The following LUZP2 variants were observed in gnomAD, a reference collection of about 807,000 sequenced individuals.
LUZP2 encodes leucine zipper protein 2.
A neutral mutation model predicts 51.6 loss-of-function variants in LUZP2; 52 were observed. That is an observed-to-expected ratio of 1.01 (90% CI 0.81 to 1.27). The LOEUF (loss-of-function observed/expected upper bound fraction) is 1.27. Among genes scored for constraint, LUZP2 ranks in the 50% most tolerant of loss-of-function variants. LUZP2 has a pLI of 0.00. For synonymous variants in LUZP2, 154 were observed against 137.3 expected (o/e 1.12, Z -0.85); for missense variants, 436 against 395.4 (o/e 1.10, Z -0.87).
intron 1 of LUZP2, among the ~76,000 whole-genome samples, chr11:24,641,337 CTGAA>C (rs1855275210): frequency 6.6e-6 from 1 of 151,788 alleles, no homozygotes; most frequent in South Asian, 2.1e-4. Context: ...TTTTAACAAT[CTGAA>C]TGACCTTAAT....
At chr11:24,526,192 A>AGGGAATCAT (rs1850795886) in intron 1 of LUZP2, among the ~76,000 whole-genome samples, 1 of 150,990 alleles carries the variant, frequency 6.6e-6, no homozygotes, top group Non-Finnish European at 1.5e-5. Flanking sequence ...GTGCTCCACT[A>AGGGAATCAT]TCTGCAGGGC....
chr11:24,912,906 AT>A (rs1853681684), intron 6 of LUZP2, among the ~76,000 whole-genome samples: 1 of 152,170 alleles, frequency 6.6e-6, no homozygotes. Flanking sequence ...AGCTTGGAAA[AT>A]TATATTTCTA....
intron 1 of LUZP2, among the ~76,000 whole-genome samples, chr11:24,580,493 C>T (rs926624480): frequency 3.9e-5 from 6 of 151,992 alleles, no homozygotes; most frequent in Non-Finnish European, 7.4e-5. Flanking sequence ...CCTAGCATAG[C>T]GTCAACCTAA....
chr11:24,917,309 T>G (rs1428973628), intron 7 of LUZP2, among the ~76,000 whole-genome samples: 1 of 152,138 alleles, frequency 6.6e-6, no homozygotes, highest in East Asian at 1.9e-4. Context: ...TGGTAGTTTA[T>G]TTTTGCTGTG....
chr11:25,060,755 A>G (rs2134038905), intron 10 of LUZP2, among the ~76,000 whole-genome samples: 1 of 152,254 alleles, frequency 6.6e-6, no homozygotes, highest in African/African-American at 2.4e-5. Flanking sequence ...ATATAACAAC[A>G]TATTAGTGGA....
At position 24,611,677 on chromosome 11, in the gene LUZP2, C is replaced by A. The variant is rs967967484; in HGVS notation, c.62+114372C>A. ...ATCATCATCCCTGGCGTTTATTGAG[C>A]CCTCCTTCAACACATGTCCTGCATA... On this transcript the variant is annotated intron_variant, in intron 1 of 11. Coordinates refer to ENST00000336930, the MANE Select transcript of LUZP2 (RefSeq NM_001009909.4). The surrounding 1 kb of genome is among the most constrained non-coding windows in gnomAD (Gnocchi z 4.6). Among the ~76,000 whole-genome samples the A allele has an allele frequency of 6.6e-6, 1 of 152,090 alleles. No homozygotes were observed. The highest frequency in any genetic ancestry group is 2.4e-5 in the African/African-American group (1 of 41,420).
chr11:24,977,795 AT>A (rs1456308173), intron 8 of LUZP2, among the ~76,000 whole-genome samples: 1 of 151,556 alleles, frequency 6.6e-6, no homozygotes, highest in African/African-American at 2.4e-5. Context: ...GTATATATGT[AT>A]TTTATTATCA....
intron 1 of LUZP2, among the ~76,000 whole-genome samples, chr11:24,566,913 ATAT>A: frequency 6.9e-4 from 2 of 2,894 alleles, no homozygotes; most frequent in East Asian, 0.018. Flanking sequence ...TTATATATAT[ATAT>A]ATGTATATAT....
At chr11:24,672,731 C>G (rs1856436902) in intron 1 of LUZP2, among the ~76,000 whole-genome samples, 1 of 152,198 alleles carries the variant, frequency 6.6e-6, no homozygotes, top group African/African-American at 2.4e-5. Context: ...GTATAGTCAA[C>G]TACACACCTA....
intron 9 of LUZP2, among the ~76,000 whole-genome samples, chr11:25,037,993 T>C (rs1211299483): frequency 2.0e-5 from 3 of 152,128 alleles, no homozygotes; most frequent in African/African-American, 7.2e-5. Flanking sequence ...TACTTGGATA[T>C]GTATGTCAAC....
chr11:24,616,307 T>C (rs189655657), intron 1 of LUZP2, among the ~76,000 whole-genome samples: 64 of 152,228 alleles, frequency 4.2e-4, no homozygotes, highest in African/African-American at 1.5e-3. Flanking sequence ...CCTTTTCCCC[T>C]ATGTTTTCGT....
chr11:24,497,973 C>G (rs944205013), intron 1 of LUZP2, among the ~76,000 whole-genome samples: 1 of 152,192 alleles, frequency 6.6e-6, no homozygotes, highest in Non-Finnish European at 1.5e-5. Flanking sequence ...GTACTGTACT[C>G]CATCACTGGC....
chr11:24,600,881 A>G (rs1403065629), intron 1 of LUZP2, among the ~76,000 whole-genome samples: 3 of 152,162 alleles, frequency 2.0e-5, no homozygotes, highest in African/African-American at 7.2e-5. Context: ...CTGTGGTTAT[A>G]CAATGTCGTT....
intron 1 of LUZP2, among the ~76,000 whole-genome samples, chr11:24,550,944 AAAAC>A (rs146749108): frequency 0.039 from 5,922 of 152,080 alleles, 346 homozygotes; most frequent in African/African-American, 0.13. Context: ...TCCTGTCTCA[AAAAC>A]AAACAAACAC....
At chr11:25,006,292 T>C (rs1276370886) in intron 9 of LUZP2, among the ~76,000 whole-genome samples, 2 of 152,086 alleles carry the variant, frequency 1.3e-5, no homozygotes, top group Non-Finnish European at 2.9e-5. Context: ...TGACAGGCAT[T>C]AGGACCCAGG....
At chr11:24,912,569 G>A (rs1853668950) in intron 6 of LUZP2, among the ~76,000 whole-genome samples, 1 of 152,108 alleles carries the variant, frequency 6.6e-6, no homozygotes, top group African/African-American at 2.4e-5. Flanking sequence ...AGCACTTTGG[G>A]ATGCTGAGGT....
At chr11:24,999,424 G>A (rs867313407) in intron 9 of LUZP2, among the ~76,000 whole-genome samples, 2 of 151,444 alleles carry the variant, frequency 1.3e-5, no homozygotes, top group Middle Eastern at 6.9e-3. Context: ...GAAGAAGGAG[G>A]AGGAGGAGGA....
chr11:24,630,063 G>A (rs1203291295), intron 1 of LUZP2, among the ~76,000 whole-genome samples: 3 of 151,554 alleles, frequency 2.0e-5, no homozygotes, highest in African/African-American at 2.4e-5. Context: ...TTACTGAGTC[G>A]TTGAAGTTTC....
At chr11:24,577,686 ATAAGTAATTTAC>A (rs1852699208) in intron 1 of LUZP2, among the ~76,000 whole-genome samples, 1 of 152,296 alleles carries the variant, frequency 6.6e-6, no homozygotes, top group East Asian at 1.9e-4. Context: ...AGGCATTATA[ATAAGTAATTTAC>A]TTATATGTAT....
Sources: gnomAD v4.1 joint callset for allele counts (sites outside exome capture counted in the v4.1 genomes callset) on GRCh38, gnomAD v4.1.1 for gene constraint, Gnocchi (gnomAD v3.1) non-coding constraint, MANE v1.5 for transcripts, NCBI Gene and HGNC (gene_info 2026-07-23, HGNC 2026-07-21) for gene names.